Variants in PCDH15 observed in about 807,000 individuals in gnomAD.
PCDH15 encodes protocadherin-15.
PCDH15 carries 129 observed loss-of-function variants against 178.5 expected under a neutral mutation model. That is an observed-to-expected ratio of 0.72 (90% confidence interval 0.63 to 0.84). PCDH15 has a LOEUF of 0.84. Ranked by LOEUF, PCDH15 falls within the 40% of genes least tolerant of loss-of-function variation. The pLI, the probability that PCDH15 is intolerant of heterozygous loss-of-function variation, is 0.00. For synonymous variants in PCDH15, 800 were observed against 732.0 expected, an observed-to-expected ratio of 1.09 and a Z score of -1.50; for missense variants, 2,230 against 2,099.9, an observed-to-expected ratio of 1.06 and a Z score of -1.21.
intron 3 of PCDH15, among the ~76,000 whole-genome samples, chr10:54,828,991 G>A (rs990921398): frequency 6.6e-6 from 1 of 151,940 alleles, no homozygotes. Context: ...TGAAAGACGT[G>A]AGAACATAGC....
At chr10:54,329,846 C>A in intron 6 of PCDH15, 140 bp from the exon 7 acceptor site, 1 of 694,552 alleles carries the variant, frequency 1.4e-6, no homozygotes, top group Non-Finnish European at 2.6e-6. Flanking sequence ...GCTTCAGAGT[C>A]AATATTGTTA....
At chr10:54,828,126 G>T (rs950548269) in intron 3 of PCDH15, among the ~76,000 whole-genome samples, 3 of 151,888 alleles carry the variant, frequency 2.0e-5, no homozygotes, top group African/African-American at 7.2e-5. Flanking sequence ...CTAGGTTACA[G>T]GGAAGCAAAT....
chr10:54,086,112 T>A (rs1309268894), intron 16 of PCDH15, among the ~76,000 whole-genome samples: 3 of 152,144 alleles, frequency 2.0e-5, no homozygotes, highest in African/African-American at 7.2e-5. Flanking sequence ...AAAATAAGTT[T>A]ATTTGTCTCA....
At chr10:54,398,040 T>C (rs1589212607) in intron 3 of PCDH15, among the ~76,000 whole-genome samples, 1 of 151,960 alleles carries the variant, frequency 6.6e-6, no homozygotes, top group East Asian at 1.9e-4. Flanking sequence ...TATTCATTGC[T>C]TACTCAAAAT....
intron 1 of PCDH15, among the ~76,000 whole-genome samples, chr10:55,285,509 T>A (rs932231630): frequency 5.9e-5 from 9 of 151,808 alleles, no homozygotes; most frequent in African/African-American, 1.9e-4. Flanking sequence ...GATATTTAAC[T>A]TAGTAAGTCC....
At chr10:53,982,961 T>G (rs2090790681) in intron 21 of PCDH15, among the ~76,000 whole-genome samples, 1 of 152,146 alleles carries the variant, frequency 6.6e-6, no homozygotes. Context: ...CATTGTTTCC[T>G]TCATAATTTC....
chr10:55,043,442 G>A (rs996993932), intron 2 of PCDH15, among the ~76,000 whole-genome samples: 1 of 152,020 alleles, frequency 6.6e-6, no homozygotes, highest in African/African-American at 2.4e-5. Context: ...GCTGGGCACA[G>A]TGACACCTGT....
intron 3 of PCDH15, among the ~76,000 whole-genome samples, chr10:54,446,686 A>G (rs1345524598): frequency 1.3e-5 from 2 of 151,550 alleles, no homozygotes; most frequent in Non-Finnish European, 3.0e-5. Flanking sequence ...CATATTTAAT[A>G]TATGCATTAC....
intron 2 of PCDH15, among the ~76,000 whole-genome samples, chr10:55,053,696 T>C (rs1841221321): frequency 6.6e-6 from 1 of 152,198 alleles, no homozygotes; most frequent in Non-Finnish European, 1.5e-5. Context: ...CCTCAGTTTC[T>C]TTATGTGCAA....
At chr10:55,297,791 T>C (rs1162255735) in intron 1 of PCDH15, among the ~76,000 whole-genome samples, 2 of 151,938 alleles carry the variant, frequency 1.3e-5, no homozygotes, top group Admixed American at 6.6e-5. Context: ...GAATGAAAAA[T>C]GAACACAAAT....
At chr10:55,532,463 C>T (rs937949931) in intron 2 of PCDH15, among the ~76,000 whole-genome samples, 1 of 152,010 alleles carries the variant, frequency 6.6e-6, no homozygotes, top group Non-Finnish European at 1.5e-5. Context: ...CTTCTATGTG[C>T]TGTGATAGGT....
intron 2 of PCDH15, among the ~76,000 whole-genome samples, chr10:55,476,136 T>A (rs1177740825): frequency 1.3e-5 from 2 of 152,112 alleles, no homozygotes; most frequent in Admixed American, 1.3e-4. Flanking sequence ...GCTCAATAAG[T>A]ACATGCTAAA....
chr10:54,018,587 C>A (rs1229537218), intron 20 of PCDH15, among the ~76,000 whole-genome samples: 1 of 152,040 alleles, frequency 6.6e-6, no homozygotes, highest in African/African-American at 2.4e-5. Flanking sequence ...TGCATGATCT[C>A]CAGGATTAGA....
chr10:54,022,004 C>T (rs1349709934), intron 19 of PCDH15, among the ~76,000 whole-genome samples: 1 of 151,890 alleles, frequency 6.6e-6, no homozygotes, highest in Non-Finnish European at 1.5e-5. Context: ...CCAGTATTTG[C>T]CTTATTTAGA....
chr10:54,566,974 C>T (rs1356027641), intron 2 of PCDH15, among the ~76,000 whole-genome samples: 1 of 152,132 alleles, frequency 6.6e-6, no homozygotes, highest in Non-Finnish European at 1.5e-5. Flanking sequence ...TCTTCTTGCT[C>T]CACATGTTCA....
At chr10:54,138,382 C>G (rs1161849598) in intron 14 of PCDH15, among the ~76,000 whole-genome samples, 4 of 151,938 alleles carry the variant, frequency 2.6e-5, no homozygotes, top group African/African-American at 7.3e-5. Context: ...GAAGAAGCAC[C>G]CCGACTGTTT....
chr10:54,275,744 C>T (rs1198021706), intron 8 of PCDH15, among the ~76,000 whole-genome samples: 1 of 151,526 alleles, frequency 6.6e-6, no homozygotes, highest in African/African-American at 2.4e-5. Flanking sequence ...AGAAAGGCTT[C>T]TTATAACTAC....
chr10:54,317,720 C>A (rs560879544), intron 7 of PCDH15, among the ~76,000 whole-genome samples: 1 of 151,690 alleles, frequency 6.6e-6, no homozygotes, highest in Non-Finnish European at 1.5e-5. Flanking sequence ...TGCAGTGAGC[C>A]AAGATCACGC....
intron 8 of PCDH15, among the ~76,000 whole-genome samples, chr10:54,248,235 A>G (rs772139237): frequency 6.6e-6 from 1 of 151,884 alleles, no homozygotes; most frequent in Non-Finnish European, 1.5e-5. Context: ...GGGATTATCT[A>G]TCTCTGCTAT....
Sources: allele counts gnomAD v4.1 joint callset (sites outside exome capture counted in the v4.1 genomes callset), GRCh38; gene constraint gnomAD v4.1.1; transcripts MANE v1.5; gene names NCBI Gene and HGNC (gene_info 2026-07-23, HGNC 2026-07-21).